The following FLNB variants were observed in gnomAD, a reference collection of about 807,000 sequenced individuals.
FLNB encodes the protein filamin-B.
FLNB carries 111 observed loss-of-function variants against 250.6 expected under a neutral mutation model. The ratio of observed to expected loss-of-function variants is 0.44; its 90% CI spans 0.38 to 0.52. FLNB has a LOEUF of 0.52. Ranked by LOEUF, FLNB falls within the 20% of genes least tolerant of loss-of-function variation. The pLI is 0.00. For synonymous variants in FLNB, 1,302 were observed against 1,372.1 expected, an observed-to-expected ratio of 0.95 and a Z score of 1.13; for missense variants, 2,869 against 3,447.8, an observed-to-expected ratio of 0.83 and a Z score of 4.20.
intron 36 of FLNB, 161 bp from the exon 37 acceptor site, chr3:58,149,689 A>T: frequency 1.2e-6 from 1 of 816,148 alleles, no homozygotes; most frequent in Non-Finnish European, 2.0e-6. Context: ...CGCTTAACCT[A>T]CTCATCCCCC....
Position 58,143,451 on chromosome 3 carries a change from C to T in FLNB, c.5285-22C>T, listed in dbSNP as rs772683119. ...GAAGGTTGCTGGTGGGCTTCATTGCCCCGTCTCTCTGTGCTCCATAGGAGA... is the reference window on the plus strand; with the variant it reads ...GAAGGTTGCTGGTGGGCTTCATTGCTCCGTCTCTCTGTGCTCCATAGGAGA... On this transcript the variant is annotated intron_variant, in intron 31 of 45. Coordinates refer to ENST00000295956, the MANE Select transcript of FLNB (RefSeq NM_001457.4). 9 of 1,613,944 alleles carry T rather than the reference C, an allele frequency of 5.6e-6. No individual in the cohort carries two copies. In the East Asian group the frequency reaches 1.3e-4, roughly 24 times the overall value.
chr3:58,124,279 G>A, intron 21 of FLNB, 53 bp from the exon 22 acceptor site: 1 of 1,603,376 alleles, frequency 6.2e-7, no homozygotes, highest in Admixed American at 1.7e-5. Flanking sequence ...TCTGGGGTTT[G>A]CTTTTGGGTC....
At chr3:58,021,656 C>T (rs558989517) in intron 1 of FLNB, among the ~76,000 whole-genome samples, 1 of 152,170 alleles carries the variant, frequency 6.6e-6, no homozygotes, top group Non-Finnish European at 1.5e-5. Context: ...CAGGTGTGCA[C>T]CTCTTACCTA....
chr3:58,055,745 C>G (rs1427521698), intron 1 of FLNB, among the ~76,000 whole-genome samples: 1 of 152,186 alleles, frequency 6.6e-6, no homozygotes, highest in Non-Finnish European at 1.5e-5. Flanking sequence ...CTTGGGCTCT[C>G]TGAAGACTGT....
chr3:58,135,151 G>A (rs1386314791), intron 27 of FLNB, among the ~76,000 whole-genome samples: 7 of 152,084 alleles, frequency 4.6e-5, no homozygotes, highest in Non-Finnish European at 8.8e-5. Flanking sequence ...CACTGTGCCC[G>A]TCCCCTATGT....
chr3:58,148,940 C>G, intron 36 of FLNB, 88 bp downstream of exon 36: 1 of 1,185,222 alleles, frequency 8.4e-7, no homozygotes, highest in Admixed American at 1.7e-5. Flanking sequence ...CCTACCAACT[C>G]CTTTTCCTTT....
chr3:58,150,346 G>A lies in FLNB; in HGVS notation c.6367+119G>A, dbSNP rs550200739. On this transcript the variant is annotated intron_variant, in intron 38 of 45. Transcript: ENST00000295956. ...ACACAGTATCCAAGTCGGCTGTGCT[G>A]ACCTTTTCATTTCACTTCATTTCAT... is the stretch of plus-strand genomic sequence containing the variant. 2,559 of 1,140,390 alleles carry A rather than the reference G, an allele frequency of 2.2e-3. 8 individuals are homozygous for A. Among genetic ancestry groups the A allele is most frequent in the Non-Finnish European group, 3.1e-3 (2,381 of 757,640 alleles). The allele number at this position is 1,140,390 out of a possible 1,614,324, so 70.6% of individuals were successfully genotyped here.
chr3:58,109,405 G>A lies in FLNB; in HGVS notation c.2199+83G>A, dbSNP rs898897400. ...TCTGGGATCCATGCCTGACAGCCAA[G>A]GCAGACATATGGAAGGAACCCATCC... On this transcript the variant is annotated intron_variant, in intron 14 of 45. Coordinates refer to ENST00000295956, the MANE Select transcript of FLNB (RefSeq NM_001457.4). 30 of 1,585,928 alleles carry A rather than the reference G, an allele frequency of 1.9e-5. 1 individual carries two copies. In the Middle Eastern group the frequency reaches 5.0e-4, roughly 26 times the overall value.
rs1274965039 is a variant in FLNB at position 58,104,075 on chromosome 3, A to G, written c.1600A>G (p.Ile534Val). The G allele has an allele frequency of 3.1e-6, 5 of 1,613,790 alleles. No homozygotes were observed. The highest frequency in any genetic ancestry group is 4.2e-6 in the Non-Finnish European group (5 of 1,179,998). The change falls in exon 10 of 46, where the codon ATT becomes GTT. Residue 534 changes from isoleucine (I) to valine (V), a missense_variant. Ile to Val is a conservative substitution (Grantham distance 29, BLOSUM62 3). Around this residue, in one of 5 missense-constraint regions of FLNB, gnomAD observed 1,348 missense variants for 1,466.7 expected, o/e 0.92. Transcript: ENST00000295956. Reference sequence around the variant, plus strand: ...TGCCATCACATGGGGGGGACACCACATTCCAAAGAGGTGAGGCTCCTGCTG... The same window carrying G: ...TGCCATCACATGGGGGGGACACCACGTTCCAAAGAGGTGAGGCTCCTGCTG... ...SIAITWGGHH[I>V]PKSPFEVQVG...
chr3:58,170,420 C>A, intron 45 of FLNB, 155 bp from the exon 46 acceptor site: 1 of 698,130 alleles, frequency 1.4e-6, no homozygotes, highest in Non-Finnish European at 2.5e-6. Flanking sequence ...CACCGTCAGG[C>A]TCTATGAGCC....
chr3:58,098,588 C>T (rs1251913434), intron 7 of FLNB, 123 bp from the exon 8 acceptor site: 4 of 869,454 alleles, frequency 4.6e-6, no homozygotes, highest in Non-Finnish European at 7.5e-6. Context: ...CCACCTCGGC[C>T]TCTCGAAGTG....
At chr3:58,059,572 C>T (rs1392781578) in intron 1 of FLNB, among the ~76,000 whole-genome samples, 1 of 152,146 alleles carries the variant, frequency 6.6e-6, no homozygotes, top group African/African-American at 2.4e-5. Flanking sequence ...TCTCCAGCCA[C>T]GGCAGCAGCT....
chr3:58,070,591 A>T, intron 1 of FLNB, among the ~76,000 whole-genome samples: 1 of 151,650 alleles, frequency 6.6e-6, no homozygotes, highest in East Asian at 1.9e-4. Context: ...CAGATGGCCA[A>T]GTCTTAGTGC....
chr3:58,064,538 C>T (rs9809315), intron 1 of FLNB, among the ~76,000 whole-genome samples: 41,024 of 151,910 alleles, frequency 0.27, 5,983 homozygotes, highest in Middle Eastern at 0.39. Flanking sequence ...ATGTGAGTAA[C>T]TCTAATTCCT....
intron 1 of FLNB, among the ~76,000 whole-genome samples, chr3:58,023,936 TG>T (rs1320608433): frequency 2.2e-4 from 34 of 152,350 alleles, no homozygotes; most frequent in African/African-American, 8.2e-4. Context: ...AGCTTTTAGT[TG>T]CTCAGCTCCA....
At chr3:58,105,754 G>A (rs1460883657) in intron 11 of FLNB, among the ~76,000 whole-genome samples, 1 of 152,192 alleles carries the variant, frequency 6.6e-6, no homozygotes, top group Non-Finnish European at 1.5e-5. Flanking sequence ...ATAGGAATAC[G>A]TAAACAAACG....
chr3:58,143,752 C>A, intron 32 of FLNB, 139 bp downstream of exon 32: 3 of 1,034,324 alleles, frequency 2.9e-6, no homozygotes, highest in Non-Finnish European at 4.4e-6. Flanking sequence ...CCTGTGAAAC[C>A]AAACAGTCTG....
At chr3:58,032,918 C>CA (rs747289622) in intron 1 of FLNB, among the ~76,000 whole-genome samples, 3 of 151,518 alleles carry the variant, frequency 2.0e-5, no homozygotes, top group Non-Finnish European at 2.9e-5. Context: ...CCTTCCCCGC[C>CA]AAAAAAAAGC....
intron 1 of FLNB, among the ~76,000 whole-genome samples, chr3:58,067,670 C>T (rs1189339337): frequency 6.7e-6 from 1 of 150,290 alleles, no homozygotes; most frequent in African/African-American, 2.5e-5. Flanking sequence ...GATCTTGGCT[C>T]ACTGCAAGCT....
Sources: gnomAD v4.1 joint callset for allele counts (sites outside exome capture counted in the v4.1 genomes callset) on GRCh38, gnomAD v4.1.1 for gene constraint, gnomAD v4.1.1 regional missense constraint, MANE v1.5 for transcripts, NCBI Gene and HGNC (gene_info 2026-07-23, HGNC 2026-07-21) for gene names.